INA: variants seen among roughly 807,000 people sequenced by gnomAD.
The protein encoded by INA is alpha-internexin.
Under a neutral mutation model 40.1 loss-of-function variants are expected in INA, and 35 were observed. The ratio of observed to expected loss-of-function variants is 0.87; its 90% confidence interval spans 0.67 to 1.16. INA has a LOEUF of 1.16. Among genes scored for constraint, INA ranks in the 50% most tolerant of loss-of-function variants. The pLI, the probability that INA is intolerant of heterozygous loss-of-function variation, is 0.00. For missense variants in INA, 594 were observed against 686.7 expected (o/e 0.87, Z 1.51); for synonymous variants, 290 against 316.9 (o/e 0.92, Z 0.90).
At chr10:103,281,419 A>G (rs1421813794) in intron 1 of INA, among the ~76,000 whole-genome samples, 1 of 152,202 alleles carries the variant, frequency 6.6e-6, no homozygotes, top group African/African-American at 2.4e-5. Context: ...GCCCGGGAAT[A>G]TGCATTTTTC....
At chr10:103,286,188 G>A (rs1191220387) in intron 1 of INA, among the ~76,000 whole-genome samples, 1 of 151,690 alleles carries the variant, frequency 6.6e-6, no homozygotes, top group Admixed American at 6.6e-5. Flanking sequence ...TTTTTAACTA[G>A]CCAGGCATGG....
intron 1 of INA, among the ~76,000 whole-genome samples, chr10:103,282,520 A>G (rs1016469098): frequency 3.3e-5 from 5 of 152,174 alleles, no homozygotes; most frequent in African/African-American, 1.2e-4. Context: ...AAAGAAAATC[A>G]ATGAGCATCA....
At position 103,277,674 on chromosome 10, in the gene INA, G is replaced by A; in HGVS notation, c.463G>A (p.Glu155Lys). 1 of 1,381,974 alleles carries A rather than the reference G, an allele frequency of 7.2e-7. No homozygotes were observed. Among genetic ancestry groups the A allele is most frequent in the Non-Finnish European group, 9.3e-7 (1 of 1,077,310 alleles). The allele number at this position is 1,381,974 out of a possible 1,614,324, so 85.6% of individuals were successfully genotyped here. ...GCTGCGCGACCTGCGCGCGCAGCTGGAGGAGGCCAGCTCGGCTCGCTCGCA... is the reference window on the plus strand; with the variant it reads ...GCTGCGCGACCTGCGCGCGCAGCTGAAGGAGGCCAGCTCGGCTCGCTCGCA... ...RELRDLRAQL[E>K]EASSARSQAL... Residue 155 changes from glutamate to lysine, a missense_variant, in exon 1 of 3, where the codon GAG becomes AAG. By Grantham distance (56) the Glu-to-Lys change is moderately conservative. Transcript: ENST00000369849. This position sits in a 1 kb window ranked among gnomAD's most constrained non-coding sequence, Gnocchi z 5.6.
At chr10:103,284,107 T>C (rs1324337181) in intron 1 of INA, among the ~76,000 whole-genome samples, 1 of 150,916 alleles carries the variant, frequency 6.6e-6, no homozygotes, top group Non-Finnish European at 1.5e-5. Flanking sequence ...CCAATCATTG[T>C]GTCTTTTTTT....
chr10:103,278,197 T>C lies in INA; in HGVS notation c.986T>C (p.Leu329Pro). The change falls in exon 1 of 3, where the codon CTG (leucine) becomes CCG (proline). Residue 329 changes from leucine (L) to proline (P), a missense_variant. Coordinates refer to ENST00000369849, the MANE Select transcript of INA (RefSeq NM_032727.4). The surrounding 1 kb of genome is among the most constrained non-coding windows in gnomAD (Gnocchi z 4.9). ...GCGCGCACCATCGAGATCGAGGGCC[T>C]GCGCGGGGCCAACGAGTCCTTGGAG... is the stretch of plus-strand genomic sequence containing the variant. The part of the protein sequence containing the change: ...LQARTIEIEG[L>P]RGANESLERQ... 6.2e-7 allele frequency: 1 copy of C among 1,606,710 alleles called. No individual in the cohort carries two copies. The highest frequency in any genetic ancestry group is 2.2e-5 in the East Asian group (1 of 44,574).
At chr10:103,284,013 C>T (rs11191632) in intron 1 of INA, among the ~76,000 whole-genome samples, 7,600 of 152,114 alleles carry the variant, frequency 0.05, 647 homozygotes, top group African/African-American at 0.17. Flanking sequence ...AGGTGATCCA[C>T]CCGCCTCAGC....
Position 103,287,166 on chromosome 10 carries a change from C to A in INA, c.1190+7C>A. 3.7e-6 allele frequency: 6 copies of A among 1,612,062 alleles called. No homozygotes were observed. The highest frequency in any genetic ancestry group is 5.1e-6 in the Non-Finnish European group (6 of 1,179,094). On this transcript the variant is annotated splice_region_variant and intron_variant, in intron 2 of 2. Transcript: ENST00000369849. ...TTGAGATAGCAGCTTACAGGTACTG[C>A]AAAGGACCTGCTTACCCGAGTAAAT... is the stretch of plus-strand genomic sequence containing the variant.
At chr10:103,282,641 A>T (rs1251254429) in intron 1 of INA, among the ~76,000 whole-genome samples, 1 of 152,156 alleles carries the variant, frequency 6.6e-6, no homozygotes, top group Non-Finnish European at 1.5e-5. Context: ...ATTGATTATT[A>T]TCATGACCCT....
intron 1 of INA, chr10:103,280,166 GAAAC>G: frequency 1.0e-6 from 1 of 985,404 alleles, no homozygotes; most frequent in Non-Finnish European, 1.2e-6. Flanking sequence ...TGGTCTACAG[GAAAC>G]AAACAAAAAA....
intron 1 of INA, chr10:103,280,931 G>T: frequency 1.0e-6 from 1 of 985,384 alleles, no homozygotes; most frequent in East Asian, 1.1e-4. Flanking sequence ...GGTACTCAGG[G>T]TCTCAGACCT....
At chr10:103,280,892 G>C in intron 1 of INA, 1 of 985,476 alleles carries the variant, frequency 1.0e-6, no homozygotes, top group Non-Finnish European at 1.2e-6. Context: ...TCCTAGTTCT[G>C]TTAAAGATGT....
In INA at chr10:103,277,539, G is replaced by A. The variant is rs2093062314; in HGVS notation, c.328G>A (p.Glu110Lys). The change falls in exon 1 of 3, where the codon GAG (glutamate) becomes AAG (lysine). Residue 110 changes from glutamate (E) to lysine (K), a missense_variant. Glu to Lys is a moderately conservative substitution (Grantham distance 56, BLOSUM62 1). Around this residue, in one of 2 missense-constraint regions of INA, gnomAD observed 215 missense variants for 190.6 expected, o/e 1.13. Transcript: ENST00000369849. This position sits in a 1 kb window ranked among gnomAD's most constrained non-coding sequence, Gnocchi z 5.6. ...GLNDRFAVFIEKVHQLETQNR... is the reference protein window; with the variant it reads ...GLNDRFAVFIKKVHQLETQNR... ...CAACGACCGCTTCGCCGTGTTCATC[G>A]AGAAGGTGCATCAGCTGGAGACGCA... 1.3e-6 allele frequency: 2 copies of A among 1,586,088 alleles called. No individual in the cohort carries two copies. Among genetic ancestry groups the A allele is most frequent in the Non-Finnish European group, 1.7e-6 (2 of 1,170,380 alleles).
rs542261282 is a variant in INA at position 103,284,168 on chromosome 10, C to T, written c.1066-2867C>T. On this transcript the variant is annotated intron_variant, in intron 1 of 2. Transcript: ENST00000369849. ...TGTCGCCCAGGCTGGAGCACAGTGG[C>T]GCCATCATAGCTCACTTCAACCTCC... Among the ~76,000 whole-genome samples, 11 of 151,260 alleles carry T rather than the reference C, an allele frequency of 7.3e-5. No individual in the cohort carries two copies. In the East Asian group the frequency reaches 2.1e-3, roughly 30 times the overall value.
In INA at chr10:103,278,112, A is replaced by G; in HGVS notation, c.901A>G (p.Ser301Gly). The change falls in exon 1 of 3, where the codon AGC (serine) becomes GGC (glycine). Residue 301 changes from serine to glycine, a missense_variant. Coordinates refer to ENST00000369849, the MANE Select transcript of INA (RefSeq NM_032727.4). The surrounding 1 kb of genome is among the most constrained non-coding windows in gnomAD (Gnocchi z 4.9). ...CAACCTGAACGAGCAGGCGGCGCGC[A>G]GCACCGAGGCCATCCGGGCCAGCCG... Reference protein sequence around the residue: ...FANLNEQAARSTEAIRASREE... With the variant: ...FANLNEQAARGTEAIRASREE... The G allele has an allele frequency of 6.2e-7, 1 of 1,613,198 alleles. No individual in the cohort carries two copies. Among genetic ancestry groups the G allele is most frequent in the Middle Eastern group, 1.7e-4 (1 of 6,060 alleles).
At position 103,290,145 on chromosome 10, in the gene INA, C is replaced by G. The variant is rs2093096942; in HGVS notation, c.*1476C>G. On this transcript the variant is annotated 3_prime_UTR_variant, in exon 3 of 3. Coordinates refer to ENST00000369849, the MANE Select transcript of INA (RefSeq NM_032727.4). ...CCAGAGCTGAAGAGTTGCCCCGTCT[C>G]TGTTCCATGTCTCCTTTAAGAGCTC... 6.5e-6 allele frequency: 1 copy of G among 152,688 alleles called. No individual in the cohort carries two copies. The highest frequency in any genetic ancestry group is 1.5e-5 in the Non-Finnish European group (1 of 68,066). The allele number at this position is 152,688 out of a possible 1,614,324, so 9.5% of individuals were successfully genotyped here. A position where few individuals can be genotyped will look rare whatever the true frequency, so the allele number is the denominator to read the frequency against.
chr10:103,284,858 T>C (rs1254085441), intron 1 of INA, among the ~76,000 whole-genome samples: 3 of 152,198 alleles, frequency 2.0e-5, no homozygotes, highest in African/African-American at 7.2e-5. Flanking sequence ...ACAAGGTTCC[T>C]GCATGGGCCA....
At position 103,287,174 on chromosome 10, in the gene INA, CT is replaced by C. The variant is rs1443180390; in HGVS notation, c.1190+16del. ...GCAGCTTACAGGTACTGCAAAGGAC[CT>C]GCTTACCCGAGTAAATCCAGTCACC... On this transcript the variant is annotated intron_variant, in intron 2 of 2. Coordinates refer to ENST00000369849, the MANE Select transcript of INA (RefSeq NM_032727.4). The C allele has an allele frequency of 2.5e-6, 4 of 1,610,168 alleles. No individual in the cohort carries two copies. Among genetic ancestry groups the C allele is most frequent in the Non-Finnish European group, 3.4e-6 (4 of 1,178,282 alleles).
rs1198039966 is a variant in INA at position 103,277,973 on chromosome 10, G to C, written c.762G>C (p.Val254=). ...ASSQAAAEVD[V]TVAKPDLTSA... Reference sequence around the variant, plus strand: ...CGCAGGCCGCGGCCGAGGTGGACGTGACTGTGGCTAAACCAGACCTGACCT... The same window carrying C: ...CGCAGGCCGCGGCCGAGGTGGACGTCACTGTGGCTAAACCAGACCTGACCT... Residue 254 remains valine, a synonymous_variant, in exon 1 of 3, where the codon GTG becomes GTC. Coordinates refer to ENST00000369849, the MANE Select transcript of INA (RefSeq NM_032727.4). The surrounding 1 kb of genome is among the most constrained non-coding windows in gnomAD (Gnocchi z 5.6). The C allele has an allele frequency of 6.3e-7, 1 of 1,579,616 alleles. No homozygotes were observed. Among genetic ancestry groups the C allele is most frequent in the South Asian group, 1.2e-5 (1 of 86,726 alleles).
chr10:103,280,644 T>G (rs888379740), intron 1 of INA: 1 of 985,324 alleles, frequency 1.0e-6, no homozygotes, highest in Non-Finnish European at 1.2e-6. Context: ...ATAGCCTATT[T>G]AAGGAGAGAA....
Sources: gnomAD v4.1 joint callset for allele counts (sites outside exome capture counted in the v4.1 genomes callset) on GRCh38, gnomAD v4.1.1 for gene constraint, gnomAD v4.1.1 regional missense constraint, Gnocchi (gnomAD v3.1) non-coding constraint, MANE v1.5 for transcripts, NCBI Gene and HGNC (gene_info 2026-07-23, HGNC 2026-07-21) for gene names.